The following DPYS variants were observed in gnomAD, a reference collection of about 807,000 sequenced individuals.
The protein encoded by DPYS is dihydropyrimidinase.
A neutral mutation model predicts 50.3 loss-of-function variants in DPYS; 39 were observed. That is an observed-to-expected ratio of 0.78 (90% confidence interval 0.60 to 1.01). The LOEUF (loss-of-function observed/expected upper bound fraction) is 1.01, where lower values mean the gene tolerates loss of function less well. Among genes scored for constraint, DPYS ranks in the 50% least tolerant of loss-of-function variants. The pLI, the probability that DPYS is intolerant of heterozygous loss-of-function variation, is 0.00. For synonymous variants in DPYS, 245 were observed against 250.7 expected (o/e 0.98, Z 0.22); for missense variants, 659 against 680.9 (o/e 0.97, Z 0.36).
At position 104,427,981 on chromosome 8, in the gene DPYS, A is replaced by G; in HGVS notation, c.1091T>C (p.Val364Ala). Residue 364 changes from valine to alanine, a missense_variant and splice_region_variant, in exon 6 of 10, where the codon GTG becomes GCG. Val to Ala is a moderately conservative substitution (Grantham distance 64). Transcript: ENST00000351513. ...DRMSVIWEKG[V>A]HSGKMDENRF... ...AAGGCTGGAACCTGTGAAACCCACC[A>G]CGCCTTTTTCCCATATTACGGACAT... 1.9e-6 allele frequency: 3 copies of G among 1,614,088 alleles called. No individual in the cohort carries two copies. The highest frequency in any genetic ancestry group is 2.5e-6 in the Non-Finnish European group (3 of 1,180,022).
At chr8:104,452,713 C>T (rs994005881) in intron 1 of DPYS, among the ~76,000 whole-genome samples, 3 of 152,076 alleles carry the variant, frequency 2.0e-5, no homozygotes, top group Admixed American at 6.5e-5. Flanking sequence ...TGGTGGCATG[C>T]GCCTGCAGTC....
intron 7 of DPYS, among the ~76,000 whole-genome samples, chr8:104,421,791 TA>T (rs1372305535): frequency 2.0e-5 from 3 of 151,044 alleles, no homozygotes; most frequent in Admixed American, 6.6e-5. Flanking sequence ...ATAGATCTTT[TA>T]AAAAAAATCT....
rs562891299 is a variant in DPYS, at chr8:104,410,480, C to A, written c.1235+13767G>T. ...GTGACATTCACAGCTTAGGCTTAAA[C>A]TGAGAGCGCTTCCAAGGACATGGGA... On this transcript the variant is annotated intron_variant, in intron 7 of 9. Transcript: ENST00000351513. 3.9e-5 allele frequency among the ~76,000 whole-genome samples: 6 copies of A among 152,266 alleles called. No homozygotes were observed. In the East Asian group the frequency reaches 1.2e-3, roughly 29 times the overall value.
chr8:104,407,576 G>A (rs1321970128), intron 7 of DPYS, among the ~76,000 whole-genome samples: 1 of 152,164 alleles, frequency 6.6e-6, no homozygotes, highest in Non-Finnish European at 1.5e-5. Context: ...TTGAAGGCAA[G>A]TTGTCATGTT....
At chr8:104,397,033 G>T (rs556829823) in intron 7 of DPYS, among the ~76,000 whole-genome samples, 2 of 152,282 alleles carry the variant, frequency 1.3e-5, no homozygotes, top group Admixed American at 1.3e-4. Context: ...GTCTGACAGG[G>T]TGTCATTTGT....
chr8:104,399,062 G>A (rs992911737), intron 7 of DPYS, among the ~76,000 whole-genome samples: 21 of 152,114 alleles, frequency 1.4e-4, no homozygotes, highest in South Asian at 4.2e-4. Context: ...AAGCTGAGGC[G>A]GGCAGATCAC....
intron 1 of DPYS, among the ~76,000 whole-genome samples, chr8:104,457,152 T>A (rs1813953314): frequency 6.6e-6 from 1 of 152,194 alleles, no homozygotes; most frequent in Non-Finnish European, 1.5e-5. Context: ...TTAGCCAGCA[T>A]CACTCTTGCA....
intron 1 of DPYS, among the ~76,000 whole-genome samples, chr8:104,462,872 A>G (rs1185401772): frequency 6.6e-6 from 1 of 152,260 alleles, no homozygotes; most frequent in African/African-American, 2.4e-5. Context: ...ATGAAATATG[A>G]TTTCTTTAAA....
chr8:104,402,968 A>G (rs760684988), intron 7 of DPYS, among the ~76,000 whole-genome samples: 2 of 152,242 alleles, frequency 1.3e-5, no homozygotes, highest in Admixed American at 1.3e-4. Context: ...CTGAGAGCAC[A>G]GCGTGAGGGA....
intron 4 of DPYS, among the ~76,000 whole-genome samples, chr8:104,434,602 G>A (rs1588442295): frequency 6.6e-6 from 1 of 152,052 alleles, no homozygotes; most frequent in South Asian, 2.1e-4. Context: ...AAAACCAAAC[G>A]AAATCAAATC....
chr8:104,448,466 C>G (rs1353217407), intron 2 of DPYS, among the ~76,000 whole-genome samples: 1 of 152,000 alleles, frequency 6.6e-6, no homozygotes, highest in Non-Finnish European at 1.5e-5. Flanking sequence ...TCAATAATTG[C>G]TTTTGTAGGT....
chr8:104,387,321 G>A (rs1166773303), intron 8 of DPYS, among the ~76,000 whole-genome samples: 1 of 152,156 alleles, frequency 6.6e-6, no homozygotes, highest in East Asian at 1.9e-4. Context: ...GAGTGGGAGA[G>A]GGAAAGATTT....
chr8:104,466,512 C>T, intron 1 of DPYS, 145 bp downstream of exon 1: 1 of 968,838 alleles, frequency 1.0e-6, no homozygotes, highest in Non-Finnish European at 1.4e-6. Context: ...CCTCTGACAC[C>T]CGCCGGGGCT....
intron 4 of DPYS, among the ~76,000 whole-genome samples, chr8:104,431,131 C>T (rs554498840): frequency 2.6e-5 from 4 of 152,156 alleles, no homozygotes; most frequent in Non-Finnish European, 5.9e-5. Context: ...CTTTACAAGT[C>T]GCTGACTGAG....
intron 4 of DPYS, among the ~76,000 whole-genome samples, chr8:104,437,257 C>G (rs1234792621): frequency 6.6e-6 from 1 of 152,030 alleles, no homozygotes; most frequent in Non-Finnish European, 1.5e-5. Context: ...CTAAATATAG[C>G]CTTGTCAGAG....
intron 7 of DPYS, among the ~76,000 whole-genome samples, chr8:104,418,042 C>T (rs1333323782): frequency 1.3e-5 from 2 of 152,248 alleles, no homozygotes; most frequent in African/African-American, 4.8e-5. Context: ...CTTACGTCTA[C>T]ATGCCATTAA....
At position 104,416,916 on chromosome 8, in the gene DPYS, G is replaced by A. The variant is rs140279867; in HGVS notation, c.1235+7331C>T. ...CAAGGATGACAGTCATTCTTCCCCC[G>A]CTTTATTTCACACAAAAGGCCCCCT... On this transcript the variant is annotated intron_variant, in intron 7 of 9. Coordinates refer to ENST00000351513, the MANE Select transcript of DPYS (RefSeq NM_001385.3). Among the ~76,000 whole-genome samples the A allele has an allele frequency of 2.1e-3, 321 of 151,952 alleles. 1 individual carries two copies. The highest frequency in any genetic ancestry group is 7.2e-3 in the African/African-American group (298 of 41,412).
chr8:104,430,480 C>T (rs1045350041), intron 4 of DPYS, among the ~76,000 whole-genome samples: 6 of 152,128 alleles, frequency 3.9e-5, no homozygotes, highest in Admixed American at 3.3e-4. Context: ...TGGCATCAAC[C>T]TGATCAAATT....
chr8:104,424,298 A>G lies in DPYS; in HGVS notation c.1184T>C (p.Ile395Thr). 1.9e-6 allele frequency: 3 copies of G among 1,614,144 alleles called. No homozygotes were observed. The highest frequency in any genetic ancestry group is 2.5e-6 in the Non-Finnish European group (3 of 1,180,010). Reference sequence around the variant, plus strand: ...AATGTCAGCATCTGATCCTACAGCTATTCTTCCTTTTCTTGGATAGAGATT... The same window carrying G: ...AATGTCAGCATCTGATCCTACAGCTGTTCTTCCTTTTCTTGGATAGAGATT... ...IFNLYPRKGRIAVGSDADIVI... is the reference protein window; with the variant it reads ...IFNLYPRKGRTAVGSDADIVI... Residue 395 changes from isoleucine (I) to threonine (T), a missense_variant, in exon 7 of 10, where the codon ATA becomes ACA. Transcript: ENST00000351513.
Sources: gnomAD v4.1 joint callset for allele counts (sites outside exome capture counted in the v4.1 genomes callset) on GRCh38, gnomAD v4.1.1 for gene constraint, MANE v1.5 for transcripts, NCBI Gene and HGNC (gene_info 2026-07-23, HGNC 2026-07-21) for gene names.